EIF3H: variants seen among roughly 807,000 people sequenced by gnomAD.
EIF3H encodes the protein eukaryotic translation initiation factor 3 subunit H, also known as eIF-3-gamma.
A neutral mutation model predicts 44.2 loss-of-function variants in EIF3H; 26 were observed. The ratio of observed to expected loss-of-function variants is 0.59; its 90% CI spans 0.43 to 0.82. The LOEUF is 0.82. Ranked by LOEUF, EIF3H falls within the 40% of genes least tolerant of loss-of-function variation. The pLI, the probability that EIF3H is intolerant of heterozygous loss-of-function variation, is 0.00. For missense variants in EIF3H, 359 were observed against 432.8 expected (o/e 0.83, Z 1.51); for synonymous variants, 166 against 151.9 (o/e 1.09, Z -0.68).
intron 2 of EIF3H, among the ~76,000 whole-genome samples, chr8:116,713,321 C>T (rs1242560952): frequency 1.3e-5 from 2 of 152,072 alleles, no homozygotes; most frequent in African/African-American, 4.8e-5. Context: ...AGCACTTATG[C>T]TTTGGGGACT....
In EIF3H at chr8:116,643,895, C is replaced by A. The variant is rs1813259356; in HGVS notation, c.*1111G>T. On this transcript the variant is annotated 3_prime_UTR_variant, in exon 8 of 8. Transcript: ENST00000521861. ...TTTGGTGATGCACAAACAGCAAAATCTGTGATTATCTTTAAAATATAAAAA... is the reference window on the plus strand; with the variant it reads ...TTTGGTGATGCACAAACAGCAAAATATGTGATTATCTTTAAAATATAAAAA... 6.6e-6 allele frequency: 1 copy of A among 152,196 alleles called. No homozygotes were observed. The highest frequency in any genetic ancestry group is 6.5e-5 in the Admixed American group (1 of 15,280). 9.4% of individuals were successfully genotyped at this position (152,196 alleles called of 1,614,324 possible).
chr8:116,656,042 C>CA (rs756370847), intron 4 of EIF3H, 37 bp from the exon 5 acceptor site: 1 of 1,599,444 alleles, frequency 6.3e-7, no homozygotes, highest in Non-Finnish European at 8.5e-7. Flanking sequence ...GTCTGATGGT[C>CA]AAAAGTAAGT....
At chr8:116,755,469 A>G (rs761827079) in intron 1 of EIF3H, among the ~76,000 whole-genome samples, 197 bp downstream of exon 1, 2 of 152,150 alleles carry the variant, frequency 1.3e-5, no homozygotes, top group African/African-American at 2.4e-5. Flanking sequence ...TGAAGCCCCA[A>G]CTGTCCCGTT....
intron 1 of EIF3H, among the ~76,000 whole-genome samples, chr8:116,762,308 A>G (rs1216131188): frequency 2.0e-5 from 3 of 152,190 alleles, no homozygotes; most frequent in Non-Finnish European, 2.9e-5. Context: ...TTTTCTTCTC[A>G]TGTAAAAGAA....
chr8:116,726,384 T>C (rs1420421702), intron 1 of EIF3H, among the ~76,000 whole-genome samples: 1 of 152,204 alleles, frequency 6.6e-6, no homozygotes, highest in Non-Finnish European at 1.5e-5. Context: ...CTCCAGGAGT[T>C]TGATTACATG....
upstream of EIF3H, among the ~76,000 whole-genome samples, chr8:116,757,824 C>T (rs1361551375): frequency 2.0e-5 from 3 of 151,512 alleles, no homozygotes; most frequent in Non-Finnish European, 4.4e-5. Flanking sequence ...CAGGTTCAAG[C>T]GATTCTCTCG....
chr8:116,737,990 G>C (rs983335302), intron 1 of EIF3H, among the ~76,000 whole-genome samples: 1 of 138,780 alleles, frequency 7.2e-6, no homozygotes, highest in African/African-American at 2.7e-5. Context: ...AGCCGAGATC[G>C]CACTATTGCA....
At chr8:116,724,345 T>C (rs1000369519) in intron 2 of EIF3H, among the ~76,000 whole-genome samples, 3 of 151,962 alleles carry the variant, frequency 2.0e-5, no homozygotes, top group Admixed American at 1.3e-4. Context: ...ACCTGAAACT[T>C]CCTACCAAAA....
At chr8:116,756,059 C>G, upstream of EIF3H, 3 of 1,467,104 alleles carry the variant, frequency 2.0e-6, no homozygotes, top group Non-Finnish European at 2.8e-6. Flanking sequence ...TAATCATTCA[C>G]CACTAGGCAA....
chr8:116,740,858 C>T (rs1815118650), intron 1 of EIF3H, among the ~76,000 whole-genome samples: 1 of 152,088 alleles, frequency 6.6e-6, no homozygotes, highest in Admixed American at 6.5e-5. Context: ...GCCCTGCGGC[C>T]TTAGGCAGGT....
At chr8:116,676,987 T>C (rs1563639856) in intron 2 of EIF3H, among the ~76,000 whole-genome samples, 3 of 152,004 alleles carry the variant, frequency 2.0e-5, no homozygotes, top group Non-Finnish European at 4.4e-5. Flanking sequence ...CTGTGATAGC[T>C]CTCCTTATGG....
intron 2 of EIF3H, among the ~76,000 whole-genome samples, chr8:116,704,632 A>T (rs746954613): frequency 6.6e-6 from 1 of 152,226 alleles, no homozygotes; most frequent in Non-Finnish European, 1.5e-5. Flanking sequence ...GACAAACAGG[A>T]AGATATCCTC....
chr8:116,687,727 ATCTC>A (rs1335590807), intron 2 of EIF3H, among the ~76,000 whole-genome samples: 2 of 152,154 alleles, frequency 1.3e-5, no homozygotes, highest in East Asian at 1.9e-4. Context: ...AAGAAAAAAA[ATCTC>A]TAACAATGAG....
chr8:116,754,494 T>C (rs558276987), intron 1 of EIF3H, among the ~76,000 whole-genome samples: 1 of 152,344 alleles, frequency 6.6e-6, no homozygotes, highest in African/African-American at 2.4e-5. Context: ...CAAACTCTGC[T>C]AACCACAGAC....
intron 2 of EIF3H, among the ~76,000 whole-genome samples, chr8:116,686,211 G>A (rs567104276): frequency 5.3e-5 from 8 of 152,180 alleles, no homozygotes; most frequent in Non-Finnish European, 2.9e-5. Flanking sequence ...GTTTACAAAC[G>A]CTACTCATGA....
chr8:116,680,698 G>C (rs1479040032), intron 2 of EIF3H, among the ~76,000 whole-genome samples: 1 of 137,110 alleles, frequency 7.3e-6, no homozygotes, highest in Non-Finnish European at 1.6e-5. Context: ...GCGGAAGGCC[G>C]CAGGGTCCTC....
Position 116,658,984 on chromosome 8 carries a change from G to C in EIF3H, c.290-4C>G. The C allele has an allele frequency of 6.3e-7, 1 of 1,588,474 alleles. No individual in the cohort carries two copies. ...ATCATTTCCATCTGATATTGGACTG[G>C]ATGATGGGGAAGAGGAAATTAAAAG... is the stretch of plus-strand genomic sequence containing the variant. On this transcript the variant is annotated splice_polypyrimidine_tract_variant and splice_region_variant and intron_variant, in intron 2 of 7. Coordinates refer to ENST00000521861, the MANE Select transcript of EIF3H (RefSeq NM_003756.3).
At chr8:116,660,844 G>A (rs1813574780) in intron 2 of EIF3H, among the ~76,000 whole-genome samples, 1 of 152,094 alleles carries the variant, frequency 6.6e-6, no homozygotes, top group African/African-American at 2.4e-5. Flanking sequence ...GTATATTTAT[G>A]AATAAAATAC....
At chr8:116,651,117 G>C (rs1244160523) in intron 5 of EIF3H, among the ~76,000 whole-genome samples, 1 of 152,170 alleles carries the variant, frequency 6.6e-6, no homozygotes, top group African/African-American at 2.4e-5. Flanking sequence ...AATGACTAAA[G>C]TGTACATCTG....
Sources: allele counts gnomAD v4.1 joint callset (sites outside exome capture counted in the v4.1 genomes callset), GRCh38; gene constraint gnomAD v4.1.1; transcripts MANE v1.5; gene names NCBI Gene and HGNC (gene_info 2026-07-23, HGNC 2026-07-21).